EDN1: variants seen among roughly 807,000 people sequenced by gnomAD.
EDN1 encodes the protein endothelin 1.
A neutral mutation model predicts 21.7 loss-of-function variants in EDN1; 11 were observed. The observed-to-expected ratio is 0.51, with a 90% CI of 0.32 to 0.84. EDN1 has a LOEUF of 0.84. EDN1 is among the 40% of genes least tolerant of loss of function. The pLI is 0.03. For missense variants in EDN1, 244 were observed against 262.3 expected (o/e 0.93, Z 0.48); for synonymous variants, 85 against 90.6 (o/e 0.94, Z 0.35).
the EDN1 span, among the ~76,000 whole-genome samples, chr6:12,284,736 GAAGGAAGGAAGGAAGAAAGAAAGA>G: frequency 4.8e-5 from 6 of 124,862 alleles, no homozygotes; most frequent in South Asian, 2.7e-4. Flanking sequence ...AGGAAGGAAG[GAAGGAAGGAAGGAAGAAAGAAAGA>G]AAGAAAGAAA....
the EDN1 span, among the ~76,000 whole-genome samples, chr6:12,284,756 A>T: frequency 7.4e-4 from 108 of 146,306 alleles, no homozygotes; most frequent in African/African-American, 2.5e-3. Flanking sequence ...AGGAAGAAAG[A>T]AAGAAAGAAA....
chr6:12,293,831 A>G (rs1032364349), intron 2 of EDN1, 110 bp from the exon 3 acceptor site: 3 of 1,237,776 alleles, frequency 2.4e-6, no homozygotes, highest in Admixed American at 3.9e-5. Context: ...GATGCTCCCA[A>G]GTGCTATGTG....
At chr6:12,287,020 A>G (rs1240623888), upstream of EDN1, among the ~76,000 whole-genome samples, 2 of 152,068 alleles carry the variant, frequency 1.3e-5, no homozygotes, top group Non-Finnish European at 2.9e-5. Flanking sequence ...AGGAGGCTGA[A>G]GTAGGAGTGT....
chr6:12,249,353 GAACTAC>G, the EDN1 span, among the ~76,000 whole-genome samples: 1 of 152,060 alleles, frequency 6.6e-6, no homozygotes, highest in Non-Finnish European at 1.5e-5. Flanking sequence ...ATGCTTTGAA[GAACTAC>G]ATTATATGGA....
At chr6:12,247,350 T>A in the EDN1 span, among the ~76,000 whole-genome samples, 1 of 152,088 alleles carries the variant, frequency 6.6e-6, no homozygotes, top group Non-Finnish European at 1.5e-5. Context: ...ATGAGTAACA[T>A]GTTTCTGTAT....
chr6:12,251,257 A>G, the EDN1 span, among the ~76,000 whole-genome samples: 1 of 152,246 alleles, frequency 6.6e-6, no homozygotes, highest in Non-Finnish European at 1.5e-5. Flanking sequence ...GATTAATGGT[A>G]GACAACTCTT....
In EDN1 at chr6:12,292,110, G is replaced by A. The variant is rs10478708; in HGVS notation, c.65-231G>A. ...AGGTGTTTATCTCCTCTGCATTTGT[G>A]TAATCTCCCTGAAGGTGGATAAGCC... On this transcript the variant is annotated intron_variant, in intron 1 of 4. Coordinates refer to ENST00000379375, the MANE Select transcript of EDN1 (RefSeq NM_001955.5). Among the ~76,000 whole-genome samples, 825 of 152,280 alleles carry A rather than the reference G, an allele frequency of 5.4e-3. 14 individuals are homozygous for A. Among genetic ancestry groups the A allele is most frequent in the African/African-American group, 0.019 (796 of 41,542 alleles).
At chr6:12,274,778 A>C in the EDN1 span, among the ~76,000 whole-genome samples, 7 of 152,220 alleles carry the variant, frequency 4.6e-5, no homozygotes, top group African/African-American at 1.7e-4. Flanking sequence ...GTCCGAGGAC[A>C]AATAGCTAGC....
At chr6:12,260,224 GATA>G in the EDN1 span, among the ~76,000 whole-genome samples, 32 of 152,188 alleles carry the variant, frequency 2.1e-4, no homozygotes, top group African/African-American at 6.5e-4. Context: ...ATAGATTTAT[GATA>G]ATAATACTTA....
intron 3 of EDN1, 69 bp downstream of exon 3, chr6:12,294,165 G>A (rs138650134): frequency 1.2e-6 from 2 of 1,613,196 alleles, no homozygotes; most frequent in African/African-American, 2.7e-5. Flanking sequence ...TCATGGTACT[G>A]CCTTCCTGTT....
At chr6:12,232,214 G>A in the EDN1 span, among the ~76,000 whole-genome samples, 2 of 144,962 alleles carry the variant, frequency 1.4e-5, no homozygotes, top group Non-Finnish European at 3.0e-5. Flanking sequence ...ATATAATAAA[G>A]TATATGTTAT....
chr6:12,273,262 C>T, the EDN1 span, among the ~76,000 whole-genome samples: 6 of 152,044 alleles, frequency 3.9e-5, no homozygotes, highest in East Asian at 1.9e-4. Context: ...ATTTCAGGCC[C>T]GTGGAAAGTT....
the EDN1 span, among the ~76,000 whole-genome samples, chr6:12,250,402 G>T: frequency 7.5e-3 from 1,140 of 152,186 alleles, 20 homozygotes; most frequent in African/African-American, 0.026. Context: ...CAGGATAATT[G>T]CCTTGAAGAA....
chr6:12,259,409 ATAAT>A, the EDN1 span, among the ~76,000 whole-genome samples: 2 of 150,694 alleles, frequency 1.3e-5, no homozygotes, highest in Non-Finnish European at 3.0e-5. Context: ...TAAGATTTAA[ATAAT>A]TAGAAAGATT....
chr6:12,287,567 C>A (rs1421193634), upstream of EDN1, among the ~76,000 whole-genome samples: 1 of 151,816 alleles, frequency 6.6e-6, no homozygotes, highest in Non-Finnish European at 1.5e-5. Context: ...GGAGCTGCTG[C>A]CAGAGGGAGA....
chr6:12,237,439 C>T, the EDN1 span, among the ~76,000 whole-genome samples: 4 of 152,120 alleles, frequency 2.6e-5, no homozygotes, highest in African/African-American at 9.7e-5. Context: ...AAAAGTCTTA[C>T]AAAATTGTAA....
At chr6:12,274,898 G>A in the EDN1 span, among the ~76,000 whole-genome samples, 1 of 151,548 alleles carries the variant, frequency 6.6e-6, no homozygotes, top group African/African-American at 2.4e-5. Context: ...GAGAGGACTG[G>A]GTACTGGCTG....
At chr6:12,250,771 A>G in the EDN1 span, among the ~76,000 whole-genome samples, 1 of 152,234 alleles carries the variant, frequency 6.6e-6, no homozygotes, top group Non-Finnish European at 1.5e-5. Context: ...GTTTCTTTCA[A>G]AAGATATCCC....
the EDN1 span, among the ~76,000 whole-genome samples, chr6:12,266,551 C>A: frequency 2.0e-5 from 3 of 152,134 alleles, no homozygotes; most frequent in African/African-American, 7.2e-5. Flanking sequence ...TAAATTGTGA[C>A]GACTCTACAG....
Sources: gnomAD v4.1 joint callset for allele counts (sites outside exome capture counted in the v4.1 genomes callset) on GRCh38, gnomAD v4.1.1 for gene constraint, MANE v1.5 for transcripts, NCBI Gene and HGNC (gene_info 2026-07-23, HGNC 2026-07-21) for gene names.